The following GSE1 variants were observed in gnomAD, a reference collection of about 807,000 sequenced individuals.
GSE1 encodes the protein Gse1 coiled-coil protein, also known as genetic suppressor element 1.
Under a neutral mutation model 112.6 loss-of-function variants are expected in GSE1, and 32 were observed. The observed-to-expected ratio is 0.28, with a 90% CI of 0.21 to 0.38. The LOEUF is 0.38. Ranked by LOEUF, GSE1 falls within the 10% of genes least tolerant of loss-of-function variation. The pLI is 1.00. For missense variants in GSE1, 2,348 were observed against 1,699.2 expected, an observed-to-expected ratio of 1.38 and a Z score of -6.71; for synonymous variants, 1,115 against 735.6, an observed-to-expected ratio of 1.52 and a Z score of -8.35.
intron 1 of GSE1, among the ~76,000 whole-genome samples, chr16:85,599,221 G>A (rs1323436058): frequency 6.6e-6 from 1 of 152,260 alleles, no homozygotes; most frequent in Admixed American, 6.5e-5. Context: ...AGAGGTTGGT[G>A]ATGCTGCTTC....
chr16:85,194,515 T>A (rs1029720685), intron 1 of GSE1, among the ~76,000 whole-genome samples: 6 of 152,190 alleles, frequency 3.9e-5, no homozygotes, highest in African/African-American at 1.4e-4. Flanking sequence ...TGGAAGGTTT[T>A]TGAGCAGGAG....
At chr16:85,254,431 A>G (rs574289371) in intron 1 of GSE1, among the ~76,000 whole-genome samples, 2 of 152,308 alleles carry the variant, frequency 1.3e-5, no homozygotes, top group African/African-American at 4.8e-5. Context: ...CGCACACAGC[A>G]GGTACTCAGC....
intron 1 of GSE1, among the ~76,000 whole-genome samples, chr16:85,269,710 G>A (rs112260175): frequency 0.028 from 4,178 of 149,056 alleles, 275 homozygotes; most frequent in African/African-American, 0.094. Flanking sequence ...GGGGCTCCCA[G>A]TGTCCCCAAA....
chr16:85,316,931 G>A (rs1054763829), intron 1 of GSE1, among the ~76,000 whole-genome samples: 15 of 152,200 alleles, frequency 9.9e-5, no homozygotes, highest in African/African-American at 2.9e-4. Context: ...CAGGAGCCCC[G>A]GGAGGGATGC....
At chr16:85,327,575 C>A (rs528068906) in intron 1 of GSE1, among the ~76,000 whole-genome samples, 9 of 152,252 alleles carry the variant, frequency 5.9e-5, no homozygotes, top group Non-Finnish European at 8.8e-5. Context: ...TGCACTCCAG[C>A]CTGGGCAACA....
intron 1 of GSE1, among the ~76,000 whole-genome samples, chr16:85,301,649 C>G (rs2045530016): frequency 6.6e-6 from 1 of 152,224 alleles, no homozygotes; most frequent in Non-Finnish European, 1.5e-5. Context: ...TGTCCCTCGT[C>G]TCGGCTCTGT....
At chr16:85,544,288 C>A (rs113729676) in intron 2 of GSE1, among the ~76,000 whole-genome samples, 4 of 152,314 alleles carry the variant, frequency 2.6e-5, no homozygotes, top group African/African-American at 7.2e-5. Flanking sequence ...GGCTGAGAAA[C>A]CTTGAGCTGT....
chr16:85,367,762 G>A (rs1262636081), intron 2 of GSE1, among the ~76,000 whole-genome samples: 1 of 151,780 alleles, frequency 6.6e-6, no homozygotes, highest in Non-Finnish European at 1.5e-5. Context: ...GTAAACTTTT[G>A]TTGAGTGAAT....
chr16:85,637,503 C>T (rs1158694036), intron 2 of GSE1, among the ~76,000 whole-genome samples: 4 of 151,770 alleles, frequency 2.6e-5, no homozygotes, highest in Non-Finnish European at 4.4e-5. Context: ...CGAGTCCCCC[C>T]TTGATCGCGG....
chr16:85,301,558 G>A (rs1175953957), intron 1 of GSE1, among the ~76,000 whole-genome samples: 3 of 152,260 alleles, frequency 2.0e-5, no homozygotes. Flanking sequence ...CCCGCCAAAG[G>A]AAAGTTGCTG....
Position 85,582,323 on chromosome 16 carries a change from C to T in GSE1, c.37+25960C>T, listed in dbSNP as rs540051643. ...TGTGACCTTGGATCCTCCATCCCTT[C>T]GCCTTCGGGTGGAACTCCACTGCAG... On this transcript the variant is annotated intron_variant, in intron 1 of 2. Coordinates refer to the GSE1 transcript ENST00000635906. Among the ~76,000 whole-genome samples the T allele has an allele frequency of 3.2e-4, 48 of 152,358 alleles. No individual in the cohort carries two copies. The South Asian group carries it at 7.7e-3, about 24-fold the overall frequency.
intron 2 of GSE1, among the ~76,000 whole-genome samples, chr16:85,533,011 G>T (rs2044186246): frequency 6.6e-6 from 1 of 152,212 alleles, no homozygotes; most frequent in Non-Finnish European, 1.5e-5. Context: ...TGCCGGAGGT[G>T]TCGGCCGCTG....
At chr16:85,478,074 G>C (rs1366714964) in intron 2 of GSE1, among the ~76,000 whole-genome samples, 2 of 152,132 alleles carry the variant, frequency 1.3e-5, no homozygotes, top group Non-Finnish European at 2.9e-5. Context: ...TCCGCTTTCT[G>C]TCTGTGGATT....
intron 1 of GSE1, among the ~76,000 whole-genome samples, chr16:85,198,626 C>G (rs2074972605): frequency 6.6e-6 from 1 of 151,356 alleles, no homozygotes; most frequent in Non-Finnish European, 1.5e-5. Flanking sequence ...ACAGTGCCCA[C>G]TCAGCCCTGG....
At chr16:85,380,175 G>T (rs924333367) in intron 2 of GSE1, among the ~76,000 whole-genome samples, 2 of 152,228 alleles carry the variant, frequency 1.3e-5, no homozygotes, top group Non-Finnish European at 2.9e-5. Context: ...GTCCAGCTGG[G>T]CGGGCAGGGC....
At chr16:85,207,882 G>A (rs1281730940) in intron 1 of GSE1, 2 of 152,320 alleles carry the variant, frequency 1.3e-5, no homozygotes, top group African/African-American at 4.8e-5. Context: ...GCATGAAGAG[G>A]AGACCGGCTC....
At chr16:85,507,495 C>T (rs553689000) in intron 2 of GSE1, among the ~76,000 whole-genome samples, 2 of 152,336 alleles carry the variant, frequency 1.3e-5, no homozygotes, top group Admixed American at 6.5e-5. Context: ...TTGGGGCTGC[C>T]ATGGCAAAAT....
At chr16:85,241,465 C>T (rs1412391312) in intron 1 of GSE1, among the ~76,000 whole-genome samples, 1 of 152,184 alleles carries the variant, frequency 6.6e-6, no homozygotes, top group Non-Finnish European at 1.5e-5. Context: ...GTGTTTACAC[C>T]AGGGAAATGG....
intron 2 of GSE1, among the ~76,000 whole-genome samples, chr16:85,397,478 C>G (rs2047994754): frequency 6.6e-6 from 1 of 152,256 alleles, no homozygotes; most frequent in Non-Finnish European, 1.5e-5. Flanking sequence ...TCTGCTGGCC[C>G]AGGCTTGTCA....
Sources: gnomAD v4.1 joint callset for allele counts (sites outside exome capture counted in the v4.1 genomes callset) on GRCh38, gnomAD v4.1.1 for gene constraint, MANE v1.5 for transcripts, NCBI Gene and HGNC (gene_info 2026-07-23, HGNC 2026-07-21) for gene names.